Variants in CA5A observed in about 807,000 individuals in gnomAD.
CA5A encodes the protein carbonic anhydrase 5A.
In CA5A, 28 loss-of-function variants were observed where a neutral mutation model predicts 37.1. The observed-to-expected ratio is 0.75, with a 90% CI of 0.56 to 1.03. The LOEUF (loss-of-function observed/expected upper bound fraction) is 1.03. Ranked by LOEUF, CA5A falls within the 50% of genes least tolerant of loss-of-function variation. The pLI is 0.00. For synonymous variants in CA5A, 171 were observed against 158.4 expected (o/e 1.08, Z -0.60); for missense variants, 444 against 399.9 (o/e 1.11, Z -0.94).
chr16:87,889,199 G>A (rs528815614), intron 6 of CA5A, among the ~76,000 whole-genome samples: 28 of 152,044 alleles, frequency 1.8e-4, no homozygotes, highest in African/African-American at 6.0e-4. Flanking sequence ...GATTATAGGC[G>A]TTTAGCCACT....
intron 2 of CA5A, among the ~76,000 whole-genome samples, chr16:87,906,458 C>T (rs2055962984): frequency 6.6e-6 from 1 of 151,876 alleles, no homozygotes; most frequent in Admixed American, 6.6e-5. Flanking sequence ...TGTAACCCAT[C>T]TCTACTGAAA....
intron 2 of CA5A, among the ~76,000 whole-genome samples, chr16:87,913,736 C>T (rs1481320978): frequency 6.6e-6 from 1 of 151,950 alleles, no homozygotes; most frequent in African/African-American, 2.4e-5. Flanking sequence ...AGCACCTCAC[C>T]TCCCAGTGAC....
chr16:87,905,207 A>T (rs2055942662), intron 2 of CA5A, among the ~76,000 whole-genome samples: 1 of 152,142 alleles, frequency 6.6e-6, no homozygotes, highest in Admixed American at 6.5e-5. Flanking sequence ...GAAATCCGTA[A>T]AGAACGTTTC....
rs61348056 is a variant in CA5A, at chr16:87,901,162, G to A, written c.618+750C>T. On this transcript the variant is annotated intron_variant, in intron 5 of 6. Coordinates refer to ENST00000649794, the MANE Select transcript of CA5A (RefSeq NM_001739.2). ...AGAGAATTGCTTGAACCCGGGAGGCGGAGGTTGCAGTGAGCCAAGATCGCG... is the reference window on the plus strand; with the variant it reads ...AGAGAATTGCTTGAACCCGGGAGGCAGAGGTTGCAGTGAGCCAAGATCGCG... Among the ~76,000 whole-genome samples, 690 of 152,278 alleles carry A rather than the reference G, an allele frequency of 4.5e-3. 4 individuals carry two copies. Among genetic ancestry groups the A allele is most frequent in the African/African-American group, 0.016 (645 of 41,560 alleles).
At chr16:87,899,311 T>C (rs1223345544) in intron 5 of CA5A, among the ~76,000 whole-genome samples, 1 of 141,840 alleles carries the variant, frequency 7.1e-6, no homozygotes, top group South Asian at 2.4e-4. Context: ...TTTTTTTTTT[T>C]TTTTTTTTTT....
intron 5 of CA5A, among the ~76,000 whole-genome samples, chr16:87,896,585 G>T (rs1246320517): frequency 2.0e-5 from 3 of 152,210 alleles, no homozygotes; most frequent in Non-Finnish European, 2.9e-5. Flanking sequence ...CCTGTGGAAA[G>T]CACCACAAGC....
In CA5A at chr16:87,936,456, G is replaced by A. The variant is rs531609934; in HGVS notation, c.-6C>T. ...CAAGTGTTCCTCCCCAACATCTTGG[G>A]TCTGTTCCCACTGACTCCAGTCTGA... On this transcript the variant is annotated 5_prime_UTR_variant, in exon 1 of 7. Coordinates refer to ENST00000649794, the MANE Select transcript of CA5A (RefSeq NM_001739.2). 1.1e-5 allele frequency: 17 copies of A among 1,613,630 alleles called. No homozygotes were observed. The South Asian group carries it at 1.4e-4, about 14-fold the overall frequency.
At chr16:87,913,196 C>T (rs1464561256) in intron 2 of CA5A, among the ~76,000 whole-genome samples, 3 of 152,110 alleles carry the variant, frequency 2.0e-5, no homozygotes, top group Non-Finnish European at 4.4e-5. Context: ...CCAGGCTGGT[C>T]TCAAACTCCT....
At chr16:87,908,294 T>C (rs1332171274) in intron 2 of CA5A, among the ~76,000 whole-genome samples, 2 of 152,176 alleles carry the variant, frequency 1.3e-5, no homozygotes, top group East Asian at 3.9e-4. Flanking sequence ...TAAGCCTCTC[T>C]ACCTGTTAAA....
At chr16:87,899,391 C>T (rs548607292) in intron 5 of CA5A, among the ~76,000 whole-genome samples, 7 of 149,958 alleles carry the variant, frequency 4.7e-5, no homozygotes, top group Admixed American at 1.3e-4. Context: ...CAACCTCCAC[C>T]GCCCAGATTC....
rs181884467 is a variant in CA5A, at chr16:87,897,987, T to C, written c.618+3925A>G. On this transcript the variant is annotated intron_variant, in intron 5 of 6. Coordinates refer to ENST00000649794, the MANE Select transcript of CA5A (RefSeq NM_001739.2). ...ACAGGATGCCGCAGGAGCAGTGCTTTGTGACTCTGGAAGCCAGGGCAGAAA... is the reference window on the plus strand; with the variant it reads ...ACAGGATGCCGCAGGAGCAGTGCTTCGTGACTCTGGAAGCCAGGGCAGAAA... Among the ~76,000 whole-genome samples the C allele has an allele frequency of 2.2e-3, 329 of 152,258 alleles. 1 individual carries two copies. The highest frequency in any genetic ancestry group is 7.6e-3 in the African/African-American group (316 of 41,556).
intron 2 of CA5A, among the ~76,000 whole-genome samples, chr16:87,910,303 C>A (rs954795318): frequency 4.6e-5 from 7 of 152,198 alleles, no homozygotes; most frequent in Admixed American, 2.0e-4. Context: ...CACCTGCTAC[C>A]TGCTGGGCAT....
At chr16:87,933,366 A>G (rs1311527592) in intron 1 of CA5A, among the ~76,000 whole-genome samples, 1 of 152,208 alleles carries the variant, frequency 6.6e-6, no homozygotes, top group African/African-American at 2.4e-5. Context: ...ACTAGAAAAC[A>G]TTAAATGATC....
At chr16:87,894,194 T>C (rs894767038) in intron 5 of CA5A, among the ~76,000 whole-genome samples, 1 of 152,118 alleles carries the variant, frequency 6.6e-6, no homozygotes, top group Non-Finnish European at 1.5e-5. Flanking sequence ...CGTGGCATGA[T>C]CTCAGCTCAC....
chr16:87,923,032 A>T (rs112263857), intron 2 of CA5A, among the ~76,000 whole-genome samples: 2,428 of 152,288 alleles, frequency 0.016, 54 homozygotes, highest in African/African-American at 0.056. Context: ...GAAGGGCTAC[A>T]ATCTGCAGTC....
intron 5 of CA5A, among the ~76,000 whole-genome samples, chr16:87,892,673 CTT>C (rs368479550): frequency 0.025 from 3,239 of 129,172 alleles, 142 homozygotes; most frequent in African/African-American, 0.09. Flanking sequence ...CCATCTTAAC[CTT>C]TTTTTTTTTT....
intron 3 of CA5A, among the ~76,000 whole-genome samples, chr16:87,903,709 CA>C (rs1320727343): frequency 2.0e-5 from 3 of 152,148 alleles, no homozygotes; most frequent in Non-Finnish European, 2.9e-5. Context: ...ACATTAACTG[CA>C]GCATTACTTT....
chr16:87,916,288 C>T (rs1222700139), intron 2 of CA5A, among the ~76,000 whole-genome samples: 1 of 152,170 alleles, frequency 6.6e-6, no homozygotes, highest in Non-Finnish European at 1.5e-5. Context: ...CGAGACCAGC[C>T]TGGCCCACAT....
At chr16:87,891,275 C>T (rs1399798647) in intron 6 of CA5A, among the ~76,000 whole-genome samples, 2 of 151,572 alleles carry the variant, frequency 1.3e-5, no homozygotes, top group Admixed American at 6.6e-5. Context: ...CAAGACCAGC[C>T]TGGCCAACAT....
Sources: allele counts gnomAD v4.1 joint callset (sites outside exome capture counted in the v4.1 genomes callset), GRCh38; gene constraint gnomAD v4.1.1; transcripts MANE v1.5; gene names NCBI Gene and HGNC (gene_info 2026-07-23, HGNC 2026-07-21).